The following PDE5A variants were observed in gnomAD, a reference collection of about 807,000 sequenced individuals.
PDE5A encodes cGMP-specific 3',5'-cyclic phosphodiesterase.
In PDE5A, 67 loss-of-function variants were observed where a neutral mutation model predicts 110.2. The ratio of observed to expected loss-of-function variants is 0.61; its 90% CI spans 0.50 to 0.75. The LOEUF (loss-of-function observed/expected upper bound fraction) is 0.75. PDE5A is among the 30% of genes least tolerant of loss of function. The pLI, the probability that PDE5A is intolerant of heterozygous loss-of-function variation, is 0.00. For synonymous variants in PDE5A, 328 were observed against 351.2 expected (o/e 0.93, Z 0.74); for missense variants, 862 against 1,045.1 (o/e 0.82, Z 2.42).
At position 119,496,070 on chromosome 4, in the gene PDE5A, C is replaced by T. The variant is rs200327364; in HGVS notation, c.*2531G>A. 9.9e-5 allele frequency: 15 copies of T among 152,132 alleles called. No homozygotes were observed. Among genetic ancestry groups the T allele is most frequent in the African/African-American group, 3.1e-4 (13 of 41,504 alleles). 9.4% of individuals were successfully genotyped at this position (152,132 alleles called of 1,614,324 possible). ...AATCCACCCAGGATTGTGATTGGCA[C>T]GGTCTAATCTACTGAAAAATATAAG... On this transcript the variant is annotated 3_prime_UTR_variant, in exon 21 of 21. Coordinates refer to ENST00000354960, the MANE Select transcript of PDE5A (RefSeq NM_001083.4).
intron 14 of PDE5A, among the ~76,000 whole-genome samples, chr4:119,516,525 C>T (rs1725912978): frequency 6.6e-6 from 1 of 152,184 alleles, no homozygotes; most frequent in Non-Finnish European, 1.5e-5. Context: ...AACCCAAATG[C>T]TACAATTGTG....
At chr4:119,539,465 A>G (rs1048795363) in intron 10 of PDE5A, among the ~76,000 whole-genome samples, 1 of 152,106 alleles carries the variant, frequency 6.6e-6, no homozygotes, top group Non-Finnish European at 1.5e-5. Context: ...GTAGTCTACA[A>G]GTGGCTCTCA....
chr4:119,525,373 CTT>C lies in PDE5A; in HGVS notation c.1779+174_1779+175del, dbSNP rs1280545524. Reference sequence around the variant, plus strand: ...TACATGCTAGGAGCCCATTAAATGTCTTTTTGATAATGATAATTTTTCTTTAA... The same window carrying C: ...TACATGCTAGGAGCCCATTAAATGTCTTTGATAATGATAATTTTTCTTTAA... On this transcript the variant is annotated intron_variant, in intron 12 of 20. Transcript: ENST00000354960. The surrounding 1 kb of genome is among the most constrained non-coding windows in gnomAD (Gnocchi z 4.3). Among the ~76,000 whole-genome samples the C allele has an allele frequency of 6.6e-6, 1 of 152,046 alleles. No homozygotes were observed. The highest frequency in any genetic ancestry group is 1.9e-4 in the East Asian group (1 of 5,186).
At chr4:119,609,004 CAA>C in intron 1 of PDE5A, among the ~76,000 whole-genome samples, 1 of 151,336 alleles carries the variant, frequency 6.6e-6, no homozygotes, top group East Asian at 1.9e-4. Flanking sequence ...ACTAAAAATA[CAA>C]AAAAAATTAG....
intron 4 of PDE5A, among the ~76,000 whole-genome samples, chr4:119,566,085 A>G (rs948803315): frequency 2.0e-5 from 3 of 151,912 alleles, no homozygotes; most frequent in Admixed American, 1.3e-4. Flanking sequence ...AGGGAGTTAT[A>G]TTAATGGATT....
chr4:119,610,518 T>C (rs539428543), intron 1 of PDE5A, among the ~76,000 whole-genome samples: 24 of 152,232 alleles, frequency 1.6e-4, no homozygotes, highest in African/African-American at 5.1e-4. Context: ...CTTTTGAATT[T>C]TAAATTAAAC....
intron 15 of PDE5A, among the ~76,000 whole-genome samples, chr4:119,510,654 CTT>C (rs1368340298): frequency 1.3e-5 from 2 of 152,048 alleles, no homozygotes; most frequent in African/African-American, 2.4e-5. Flanking sequence ...AAAATCCTCT[CTT>C]AGTGACTGGA....
chr4:119,507,738 T>C (rs749350900), intron 15 of PDE5A, 34 bp from the exon 16 acceptor site: 1 of 1,371,382 alleles, frequency 7.3e-7, no homozygotes, highest in South Asian at 1.2e-5. Context: ...ATTAACATCC[T>C]GGAGAAGCTG....
Position 119,607,255 on chromosome 4 carries a change from G to A in PDE5A, c.195C>T (p.Ile65=), listed in dbSNP as rs778979638. ...CTCTGATACCTTCCTTGCACACAGG[G>A]ATGGTGTGAACTCTCTCAGCAAACC... ...NAWFAERVHT[I]PVCKEGIRGH... The change falls in exon 2 of 21, where the codon ATC becomes ATT. Residue 65 remains isoleucine (I), a synonymous_variant. Transcript: ENST00000354960. 18 of 1,613,260 alleles carry A rather than the reference G, an allele frequency of 1.1e-5. No individual in the cohort carries two copies. Among genetic ancestry groups the A allele is most frequent in the Non-Finnish European group, 1.4e-5 (17 of 1,179,966 alleles).
chr4:119,576,871 A>G (rs1183184008), intron 3 of PDE5A, among the ~76,000 whole-genome samples: 1 of 152,210 alleles, frequency 6.6e-6, no homozygotes, highest in Non-Finnish European at 1.5e-5. Flanking sequence ...GACACAAAAA[A>G]CCCGTCAAAA....
chr4:119,606,058 A>C (rs924877324), intron 2 of PDE5A, among the ~76,000 whole-genome samples: 4 of 152,262 alleles, frequency 2.6e-5, no homozygotes, highest in East Asian at 1.9e-4. Context: ...AATTTGAAGA[A>C]TCTTACAGTG....
At chr4:119,566,339 AG>A (rs1727932586) in intron 4 of PDE5A, among the ~76,000 whole-genome samples, 1 of 152,196 alleles carries the variant, frequency 6.6e-6, no homozygotes, top group South Asian at 2.1e-4. Context: ...AGTAATTTTC[AG>A]GGGAACAACA....
chr4:119,592,319 G>C (rs565123461), intron 3 of PDE5A, among the ~76,000 whole-genome samples: 2 of 150,980 alleles, frequency 1.3e-5, no homozygotes, highest in East Asian at 3.9e-4. Flanking sequence ...TTAGCCGGGC[G>C]TGGTGGCGGG....
chr4:119,526,402 G>A (rs547681747), intron 11 of PDE5A, among the ~76,000 whole-genome samples: 115 of 152,248 alleles, frequency 7.6e-4, no homozygotes, highest in Non-Finnish European at 1.5e-3. Context: ...GGCTCCCTCA[G>A]ACTGAGCAGA....
At chr4:119,607,625 T>C (rs1286957690) in intron 1 of PDE5A, among the ~76,000 whole-genome samples, 2 of 151,960 alleles carry the variant, frequency 1.3e-5, no homozygotes, top group Non-Finnish European at 2.9e-5. Context: ...TGATCCTAAC[T>C]ACTGGGGAGA....
intron 19 of PDE5A, 145 bp from the exon 20 acceptor site, chr4:119,501,398 C>T (rs1349910588): frequency 1.7e-6 from 1 of 596,542 alleles, no homozygotes; most frequent in African/African-American, 1.9e-5. Flanking sequence ...GCAACCTCCA[C>T]CTCCCAAGTT....
At chr4:119,560,662 T>A (rs1322129991) in intron 6 of PDE5A, among the ~76,000 whole-genome samples, 2 of 152,246 alleles carry the variant, frequency 1.3e-5, no homozygotes, top group African/African-American at 2.4e-5. Flanking sequence ...CAAAATTTTT[T>A]ACACTTATTG....
intron 15 of PDE5A, among the ~76,000 whole-genome samples, chr4:119,510,400 C>G (rs1417419987): frequency 3.3e-5 from 5 of 151,940 alleles, no homozygotes; most frequent in Non-Finnish European, 5.9e-5. Flanking sequence ...TTAAAACTTT[C>G]ATTTTTTCTT....
intron 11 of PDE5A, among the ~76,000 whole-genome samples, chr4:119,530,100 A>C (rs1726477205): frequency 1.3e-5 from 2 of 152,130 alleles, no homozygotes; most frequent in Non-Finnish European, 2.9e-5. Context: ...AGTAAATAGT[A>C]GTTAACAGTC....
Sources: gnomAD v4.1 joint callset for allele counts (sites outside exome capture counted in the v4.1 genomes callset) on GRCh38, gnomAD v4.1.1 for gene constraint, Gnocchi (gnomAD v3.1) non-coding constraint, MANE v1.5 for transcripts, NCBI Gene and HGNC (gene_info 2026-07-23, HGNC 2026-07-21) for gene names.